The following GALNT13 variants were observed in gnomAD, a reference collection of about 807,000 sequenced individuals.
GALNT13 encodes the protein polypeptide N-acetylgalactosaminyltransferase 13.
A neutral mutation model predicts 64.2 loss-of-function variants in GALNT13; 28 were observed. The observed-to-expected ratio is 0.44, with a 90% CI of 0.32 to 0.60. The LOEUF is 0.60. Among genes scored for constraint, GALNT13 ranks in the 20% least tolerant of loss-of-function variants. The pLI, the probability that GALNT13 is intolerant of heterozygous loss-of-function variation, is 0.05. For synonymous variants in GALNT13, 214 were observed against 224.6 expected (o/e 0.95, Z 0.42); for missense variants, 577 against 669.8 (o/e 0.86, Z 1.53).
At chr2:154,051,279 CTTTTTTT>C (rs34890901) in intron 3 of GALNT13, among the ~76,000 whole-genome samples, 1 of 102,298 alleles carries the variant, frequency 9.8e-6, no homozygotes, top group Admixed American at 1.1e-4. Flanking sequence ...CTTACTCCTT[CTTTTTTT>C]TTTTTTTTTT....
At chr2:154,038,272 T>C (rs1466260633) in intron 3 of GALNT13, among the ~76,000 whole-genome samples, 2 of 152,114 alleles carry the variant, frequency 1.3e-5, no homozygotes, top group Admixed American at 6.6e-5. Context: ...AGAAAAAATA[T>C]TAACATTTGA....
the GALNT13 span, among the ~76,000 whole-genome samples, chr2:153,129,174 T>C: frequency 1.3e-5 from 2 of 152,318 alleles, no homozygotes; most frequent in Non-Finnish European, 2.9e-5. Flanking sequence ...ACAGGCTAAA[T>C]TTTCAAATAG....
At chr2:154,421,207 ATATATTT>A (rs2105424053) in intron 11 of GALNT13, among the ~76,000 whole-genome samples, 2 of 152,240 alleles carry the variant, frequency 1.3e-5, no homozygotes, top group East Asian at 3.9e-4. Context: ...AAGATATTTG[ATATATTT>A]TATAGCACAA....
At chr2:153,142,511 G>A in the GALNT13 span, among the ~76,000 whole-genome samples, 55,082 of 151,804 alleles carry the variant, frequency 0.36, 11,714 homozygotes, top group Admixed American at 0.51. Flanking sequence ...TTCTACTGTG[G>A]TATAACGTAT....
chr2:153,284,301 C>G, the GALNT13 span, among the ~76,000 whole-genome samples: 1 of 152,104 alleles, frequency 6.6e-6, no homozygotes, highest in Non-Finnish European at 1.5e-5. Context: ...TACAGGCCTG[C>G]AATTTGGGAA....
the GALNT13 span, among the ~76,000 whole-genome samples, chr2:153,636,610 T>C: frequency 1.3e-5 from 2 of 152,128 alleles, no homozygotes; most frequent in African/African-American, 2.4e-5. Context: ...AAATTGAAGC[T>C]CAGTTTTGCA....
the GALNT13 span, among the ~76,000 whole-genome samples, chr2:153,549,241 AT>A: frequency 6.6e-6 from 1 of 152,214 alleles, no homozygotes; most frequent in African/African-American, 2.4e-5. Flanking sequence ...ACACGTTAAA[AT>A]GGGAATTTCA....
chr2:154,116,677 C>G (rs1026169782), intron 3 of GALNT13, among the ~76,000 whole-genome samples: 1 of 152,182 alleles, frequency 6.6e-6, no homozygotes, highest in Non-Finnish European at 1.5e-5. Flanking sequence ...TTGTATAACT[C>G]TCCAAACAGT....
At chr2:153,431,103 T>C in the GALNT13 span, among the ~76,000 whole-genome samples, 2 of 151,556 alleles carry the variant, frequency 1.3e-5, no homozygotes, top group Non-Finnish European at 2.9e-5. Flanking sequence ...TGAGCCGAGA[T>C]TGTGCCACTG....
At chr2:153,954,596 T>C (rs1455491850) in intron 3 of GALNT13, among the ~76,000 whole-genome samples, 4 of 150,126 alleles carry the variant, frequency 2.7e-5, no homozygotes, top group Non-Finnish European at 4.4e-5. Context: ...AATAAATAAT[T>C]ATAGTTACTA....
chr2:154,095,657 A>G (rs552259767), intron 3 of GALNT13, among the ~76,000 whole-genome samples: 2 of 152,178 alleles, frequency 1.3e-5, no homozygotes, highest in Non-Finnish European at 2.9e-5. Context: ...ATGTACTTCT[A>G]TATTTATTCA....
the GALNT13 span, among the ~76,000 whole-genome samples, chr2:153,522,012 AT>A: frequency 1.2e-4 from 18 of 152,074 alleles, no homozygotes; most frequent in African/African-American, 4.3e-4. Context: ...ATCTGTATGC[AT>A]TTTTTTGTAT....
chr2:153,112,926 A>G, the GALNT13 span, among the ~76,000 whole-genome samples: 1 of 152,112 alleles, frequency 6.6e-6, no homozygotes, highest in East Asian at 1.9e-4. Context: ...TTTTTCTCAC[A>G]GATTCCAGTC....
chr2:154,333,998 C>T (rs773005431), intron 9 of GALNT13, among the ~76,000 whole-genome samples: 1 of 152,014 alleles, frequency 6.6e-6, no homozygotes, highest in Non-Finnish European at 1.5e-5. Flanking sequence ...CAGCTGAGTT[C>T]ATTATGTTGA....
chr2:154,149,147 G>A (rs1418239827), intron 4 of GALNT13, among the ~76,000 whole-genome samples: 3 of 152,052 alleles, frequency 2.0e-5, no homozygotes, highest in Admixed American at 1.3e-4. Context: ...TCTACATATG[G>A]CTAGCCAGTT....
the GALNT13 span, among the ~76,000 whole-genome samples, chr2:153,763,030 A>T: frequency 6.6e-6 from 1 of 151,916 alleles, no homozygotes; most frequent in East Asian, 2.0e-4. Flanking sequence ...CTACACTTTT[A>T]TTATACCCAC....
chr2:153,101,027 G>C, the GALNT13 span, among the ~76,000 whole-genome samples: 1 of 152,066 alleles, frequency 6.6e-6, no homozygotes, highest in Non-Finnish European at 1.5e-5. Context: ...GGGTGACAGA[G>C]TGAGACTCTG....
At chr2:154,292,091 G>T (rs918697784) in intron 8 of GALNT13, among the ~76,000 whole-genome samples, 1 of 152,086 alleles carries the variant, frequency 6.6e-6, no homozygotes, top group African/African-American at 2.4e-5. Flanking sequence ...TGGAGCTAGT[G>T]TATGAGTGTA....
upstream of GALNT13, among the ~76,000 whole-genome samples, chr2:153,867,579 T>G (rs1331843869): frequency 2.6e-5 from 4 of 152,242 alleles, no homozygotes; most frequent in Middle Eastern, 0.01. Flanking sequence ...TTCAGGATGA[T>G]TTAAGCACAT....
Sources: gnomAD v4.1 joint callset for allele counts (sites outside exome capture counted in the v4.1 genomes callset) on GRCh38, gnomAD v4.1.1 for gene constraint, MANE v1.5 for transcripts, NCBI Gene and HGNC (gene_info 2026-07-23, HGNC 2026-07-21) for gene names.